MAP3K12: variants seen among roughly 807,000 people sequenced by gnomAD.
MAP3K12 encodes the protein MAPK-upstream kinase.
MAP3K12 carries 14 observed loss-of-function variants against 87.5 expected under a neutral mutation model. That is an observed-to-expected ratio of 0.16 (90% CI 0.11 to 0.25). The LOEUF is 0.25. Among genes scored for constraint, MAP3K12 ranks in the 10% least tolerant of loss-of-function variants. The pLI, the probability that MAP3K12 is intolerant of heterozygous loss-of-function variation, is 1.00. For synonymous variants in MAP3K12, 469 were observed against 452.5 expected, an observed-to-expected ratio of 1.04 and a Z score of -0.46; for missense variants, 802 against 1,140.4, an observed-to-expected ratio of 0.70 and a Z score of 4.27.
Position 53,485,106 on chromosome 12 carries a change from G to T in MAP3K12, c.1089C>A (p.Pro363=). 6.2e-7 allele frequency: 1 copy of T among 1,614,146 alleles called. No homozygotes were observed. Residue 363 remains proline (P), a synonymous_variant, in exon 6 of 14, where the codon CCC becomes CCA. Transcript: ENST00000547488. ...WGVGSNSLHL[P]VPSSCPDGFK... ...AACCATCTGGGCAACTGGAGGGCACGGGCAGATGGAGACTGTTGCTTCCCA... is the reference window on the plus strand; with the variant it reads ...AACCATCTGGGCAACTGGAGGGCACTGGCAGATGGAGACTGTTGCTTCCCA...
At chr12:53,481,363 GT>G in intron 13 of MAP3K12, 83 bp from the exon 14 acceptor site, 1 of 695,102 alleles carries the variant, frequency 1.4e-6, no homozygotes. Flanking sequence ...TTACTGATTT[GT>G]TTTTTAAGAC....
rs1282682186 is a variant in MAP3K12, at chr12:53,482,833, C to T, written c.1970G>A (p.Gly657Glu). 1.9e-6 allele frequency: 3 copies of T among 1,611,046 alleles called. No homozygotes were observed. The highest frequency in any genetic ancestry group is 2.5e-6 in the Non-Finnish European group (3 of 1,178,248). ...LSAALGSRGRGATGGAGDPGS... is the reference protein window; with the variant it reads ...LSAALGSRGREATGGAGDPGS... ...AGGATCCCCAGCTCCGCCTGTGGCC[C>T]CCCGGCCCCGGGACCCTAGTGCTGC... The change falls in exon 11 of 14, where the codon GGG (glycine) becomes GAG (glutamate). Residue 657 changes from glycine to glutamate, a missense_variant. Gly to Glu is a moderately conservative substitution (Grantham distance 98). This residue lies in a region of MAP3K12 where 490 missense variants were observed against 496.6 expected (regional missense o/e 0.99). Transcript: ENST00000547488.
chr12:53,491,676 G>C (rs1001265723), intron 1 of MAP3K12, among the ~76,000 whole-genome samples: 5 of 151,462 alleles, frequency 3.3e-5, no homozygotes, highest in African/African-American at 1.2e-4. Flanking sequence ...CTCATGATCC[G>C]CCCATCTCGG....
At chr12:53,484,395 G>A (rs1339493048) in intron 6 of MAP3K12, 30 bp from the exon 7 acceptor site, 11 of 1,562,750 alleles carry the variant, frequency 7.0e-6, no homozygotes, top group Non-Finnish European at 9.7e-6. Flanking sequence ...GAAGGAGAGG[G>A]GAGAATTTGA....
At chr12:53,487,673 C>T (rs142487117) in intron 1 of MAP3K12, 26 of 413,766 alleles carry the variant, frequency 6.3e-5, no homozygotes, top group Middle Eastern at 6.4e-4. Flanking sequence ...GGTATCGTAC[C>T]TGAGTATCAT....
In MAP3K12 at chr12:53,488,714, C is replaced by T. The variant is rs1000619064; in HGVS notation, c.-37-1286G>A. ...ACCATTAAAAAACCTGAATCTGGCA[C>T]GGTGTGTTGGCTCATGCCTGTAATC... On this transcript the variant is annotated intron_variant, in intron 1 of 13. Coordinates refer to ENST00000547488, the MANE Select transcript of MAP3K12 (RefSeq NM_001193511.2). Among the ~76,000 whole-genome samples the T allele has an allele frequency of 4.6e-5, 7 of 152,020 alleles. No homozygotes were observed. In the South Asian group the frequency reaches 1.0e-3, roughly 23 times the overall value.
At chr12:53,487,491 C>T (rs1331749573) in intron 1 of MAP3K12, 63 bp from the exon 2 acceptor site, 9 of 1,489,298 alleles carry the variant, frequency 6.0e-6, no homozygotes, top group African/African-American at 1.4e-5. Context: ...GCTCAGGACA[C>T]TTATCCCAGA....
intron 6 of MAP3K12, chr12:53,484,848 AGT>A: frequency 1.6e-6 from 1 of 617,500 alleles, no homozygotes; most frequent in Non-Finnish European, 2.8e-6. Flanking sequence ...GATATCGTTA[AGT>A]GTATTTTATA....
chr12:53,501,281 CCAGCGTGCCCCG>C, upstream of MAP3K12: 1 of 1,003,188 alleles, frequency 1.0e-6, no homozygotes. Flanking sequence ...ACTCCATATC[CCAGCGTGCCCCG>C]CGGCGGGCCC....
chr12:53,495,604 G>A (rs1475100973), intron 1 of MAP3K12, among the ~76,000 whole-genome samples: 1 of 150,980 alleles, frequency 6.6e-6, no homozygotes, highest in Non-Finnish European at 1.5e-5. Context: ...TGCCCAGGCT[G>A]GTTCCAAACT....
chr12:53,498,605 C>T (rs563101842), intron 1 of MAP3K12, among the ~76,000 whole-genome samples: 1 of 152,204 alleles, frequency 6.6e-6, no homozygotes, highest in East Asian at 1.9e-4. Flanking sequence ...AGTCTCAACT[C>T]TTGTTTATTT....
At position 53,482,687 on chromosome 12, in the gene MAP3K12, C is replaced by T. The variant is rs1029991051; in HGVS notation, c.2116G>A (p.Glu706Lys). The T allele has an allele frequency of 2.5e-6, 4 of 1,613,974 alleles. No homozygotes were observed. The African/African-American group carries it at 5.3e-5, about 22-fold the overall frequency. ...CCAGTTCCCAGAAGCCCCACACCTTCACCAGGCCCTACTGGAGGAGGTGGT... is the reference window on the plus strand; with the variant it reads ...CCAGTTCCCAGAAGCCCCACACCTTTACCAGGCCCTACTGGAGGAGGTGGT... ...GEPPPPVGPG[E>K]GVGLLGTGRE... is the part of the protein sequence containing the mutation. The change falls in exon 11 of 14, where the codon GAA (glutamate) becomes AAA (lysine). Residue 706 changes from glutamate (E) to lysine (K), a missense_variant. Glu to Lys is a moderately conservative substitution (Grantham distance 56). This residue lies in a region of MAP3K12 where 490 missense variants were observed against 496.6 expected (regional missense o/e 0.99). Transcript: ENST00000547488.
In MAP3K12 at chr12:53,495,339, CAAAAA is replaced by C. The variant is rs10647631; in HGVS notation, c.-38+4083_-38+4087del. On this transcript the variant is annotated intron_variant, in intron 1 of 13. Coordinates refer to ENST00000547488, the MANE Select transcript of MAP3K12 (RefSeq NM_001193511.2). ...AGGCGACAGAGCAATACTCTGTCTC[CAAAAA>C]AAAAAAAAAAAAAAAAAAAAAAAGG... 5.2e-4 allele frequency among the ~76,000 whole-genome samples: 10 copies of C among 19,374 alleles called. No individual in the cohort carries two copies. In the South Asian group the frequency reaches 0.016, roughly 30 times the overall value. 12.7% of individuals were successfully genotyped at this position (19,374 alleles called of 152,430 possible).
chr12:53,490,607 G>T (rs1943371586), intron 1 of MAP3K12, among the ~76,000 whole-genome samples: 1 of 152,054 alleles, frequency 6.6e-6, no homozygotes, highest in African/African-American at 2.4e-5. Flanking sequence ...AGCCGTGTGT[G>T]GTGGCAGGCG....
In MAP3K12 at chr12:53,483,089, G is replaced by A. The variant is rs549570283; in HGVS notation, c.1714C>T (p.Arg572Trp). The change falls in exon 11 of 14, where the codon CGG (arginine) becomes TGG (tryptophan). Residue 572 changes from arginine (R) to tryptophan (W), a missense_variant. By Grantham distance (101) the Arg-to-Trp change is moderately radical. Transcript: ENST00000547488. Reference protein sequence around the residue: ...GCPKGPPSPGRSRRGKTRHRK... With the variant: ...GCPKGPPSPGWSRRGKTRHRK... ...TGACGGGTCTTGCCACGGCGACTCC[G>A]TCCTGGTGAGGGGGGGCCCTTAGGA... 21 of 1,533,304 alleles carry A rather than the reference G, an allele frequency of 1.4e-5. No individual in the cohort carries two copies. The highest frequency in any genetic ancestry group is 2.8e-5 in the African/African-American group (2 of 72,212). The allele number at this position is 1,533,304 out of a possible 1,614,324, so 95.0% of individuals were successfully genotyped here.
chr12:53,487,922 GCA>G (rs1464197137), intron 1 of MAP3K12: 2 of 157,120 alleles, frequency 1.3e-5, no homozygotes, highest in African/African-American at 4.8e-5. Context: ...TCACATTGAA[GCA>G]CACACAGGAT....
In MAP3K12 at chr12:53,481,959, C is replaced by T. The variant is rs1279085212; in HGVS notation, c.2562G>A (p.Gln854=). Residue 854 remains glutamine (Q), a synonymous_variant, in exon 13 of 14, where the codon CAG becomes CAA. Coordinates refer to ENST00000547488, the MANE Select transcript of MAP3K12 (RefSeq NM_001193511.2). ...PEPSSLPIPH[Q]ELLRERGPPN... Reference sequence around the variant, plus strand: ...CACTCACCCGCTCTCTGAGAAGTTCCTGGTGTGGAATGGGCAGGGAGCTGG... The same window carrying T: ...CACTCACCCGCTCTCTGAGAAGTTCTTGGTGTGGAATGGGCAGGGAGCTGG... The T allele has an allele frequency of 1.9e-6, 3 of 1,613,048 alleles. No homozygotes were observed. The highest frequency in any genetic ancestry group is 2.5e-6 in the Non-Finnish European group (3 of 1,179,102).
intron 1 of MAP3K12, 134 bp from the exon 2 acceptor site, chr12:53,487,562 T>A: frequency 1.2e-6 from 1 of 833,382 alleles, no homozygotes; most frequent in Non-Finnish European, 1.8e-6. Flanking sequence ...TGTGGCTCCG[T>A]TTCCCATGGC....
intron 1 of MAP3K12, among the ~76,000 whole-genome samples, chr12:53,496,083 G>A (rs1490978874): frequency 6.6e-6 from 1 of 152,108 alleles, no homozygotes; most frequent in Non-Finnish European, 1.5e-5. Flanking sequence ...GGTGATAGAG[G>A]GGGTGCAGGG....
Sources: gnomAD v4.1 joint callset for allele counts (sites outside exome capture counted in the v4.1 genomes callset) on GRCh38, gnomAD v4.1.1 for gene constraint, gnomAD v4.1.1 regional missense constraint, MANE v1.5 for transcripts, NCBI Gene and HGNC (gene_info 2026-07-23, HGNC 2026-07-21) for gene names.